DOCK1: variants seen among roughly 807,000 people sequenced by gnomAD.
DOCK1 encodes the protein dedicator of cytokinesis protein 1.
Under a neutral mutation model 262.7 loss-of-function variants are expected in DOCK1, and 138 were observed. That is an observed-to-expected ratio of 0.53 (90% confidence interval 0.46 to 0.61). The LOEUF (loss-of-function observed/expected upper bound fraction) is 0.61. DOCK1 is among the 20% of genes least tolerant of loss of function. The pLI, the probability that DOCK1 is intolerant of heterozygous loss-of-function variation, is 0.00. For synonymous variants in DOCK1, 866 were observed against 867.4 expected, an observed-to-expected ratio of 1.00 and a Z score of 0.03; for missense variants, 1,908 against 2,370.7, an observed-to-expected ratio of 0.80 and a Z score of 4.05.
At chr10:127,241,134 C>A (rs1216314191) in intron 27 of DOCK1, among the ~76,000 whole-genome samples, 2 of 152,092 alleles carry the variant, frequency 1.3e-5, no homozygotes, top group African/African-American at 4.8e-5. Flanking sequence ...ATCAGCCTGG[C>A]CAACCTGGCA....
At chr10:127,422,990 A>C (rs1372272550) in intron 46 of DOCK1, among the ~76,000 whole-genome samples, 2 of 152,220 alleles carry the variant, frequency 1.3e-5, no homozygotes, top group Non-Finnish European at 2.9e-5. Context: ...ACTATATTAA[A>C]GGATGAATTT....
rs181342875 is a variant in DOCK1, at chr10:127,116,184, A to G, written c.2623+5830A>G. Among the ~76,000 whole-genome samples, 427 of 152,262 alleles carry G rather than the reference A, an allele frequency of 2.8e-3. 4 individuals are homozygous for G. The highest frequency in any genetic ancestry group is 2.6e-3 in the Non-Finnish European group (180 of 68,028). On this transcript the variant is annotated intron_variant, in intron 25 of 51. Coordinates refer to ENST00000623213, the MANE Select transcript of DOCK1 (RefSeq NM_001290223.2). ...GGAATGGGAAAGAGGCCATTCCCTC[A>G]TACCCTGGCTCTCCTGGGGCTCCTC...
At chr10:127,256,967 T>C (rs538533633) in intron 28 of DOCK1, among the ~76,000 whole-genome samples, 1 of 152,312 alleles carries the variant, frequency 6.6e-6, no homozygotes, top group East Asian at 1.9e-4. Flanking sequence ...GAAAAATTGA[T>C]TTAGAGCAAA....
intron 27 of DOCK1, among the ~76,000 whole-genome samples, chr10:127,233,935 C>G (rs1467903196): frequency 6.6e-6 from 1 of 152,126 alleles, no homozygotes; most frequent in Non-Finnish European, 1.5e-5. Context: ...TAATAGAACT[C>G]TTGTTTTATA....
At chr10:127,345,931 A>G (rs2063613825) in intron 31 of DOCK1, among the ~76,000 whole-genome samples, 2 of 152,226 alleles carry the variant, frequency 1.3e-5, no homozygotes, top group Admixed American at 6.5e-5. Context: ...TGACCAACAC[A>G]CACAAAGCAC....
intron 27 of DOCK1, among the ~76,000 whole-genome samples, chr10:127,210,499 C>T (rs146108788): frequency 1.5e-3 from 231 of 152,322 alleles, no homozygotes; most frequent in African/African-American, 5.1e-3. Flanking sequence ...AGGCTGAGCC[C>T]GGGAAACCAG....
intron 29 of DOCK1, among the ~76,000 whole-genome samples, chr10:127,301,989 C>A (rs535072332): frequency 7.2e-5 from 11 of 151,914 alleles, no homozygotes; most frequent in African/African-American, 2.7e-4. Context: ...TTCGACAAAG[C>A]CTGCCTGCCT....
chr10:126,925,757 T>C (rs1198907709), intron 1 of DOCK1, among the ~76,000 whole-genome samples: 1 of 133,180 alleles, frequency 7.5e-6, no homozygotes, highest in African/African-American at 3.2e-5. Context: ...TGTGTGTGTG[T>C]GTGTGTGTGT....
intron 1 of DOCK1, among the ~76,000 whole-genome samples, chr10:126,953,854 C>G (rs1280562673): frequency 2.6e-5 from 4 of 152,054 alleles, no homozygotes; most frequent in African/African-American, 9.7e-5. Flanking sequence ...GGAGTGTTTT[C>G]TGATGTCAGA....
At chr10:127,052,201 A>G (rs1591818210) in intron 21 of DOCK1, among the ~76,000 whole-genome samples, 1 of 152,330 alleles carries the variant, frequency 6.6e-6, no homozygotes, top group Admixed American at 6.5e-5. Context: ...TTGCTCTCAG[A>G]GGTATTTTAT....
At chr10:127,181,573 G>A (rs1048374415) in intron 27 of DOCK1, among the ~76,000 whole-genome samples, 18 of 152,160 alleles carry the variant, frequency 1.2e-4, no homozygotes, top group Non-Finnish European at 2.9e-5. Flanking sequence ...GAAATTATGG[G>A]TTTTCCTAGT....
chr10:127,069,155 C>T (rs991685277), intron 23 of DOCK1, among the ~76,000 whole-genome samples: 2 of 152,164 alleles, frequency 1.3e-5, no homozygotes, highest in African/African-American at 4.8e-5. Flanking sequence ...CGTGTGTCTG[C>T]CCTGCCTTGG....
chr10:126,963,654 C>CCTTCCTTCCTTCCTTT (rs2037446343), intron 1 of DOCK1, among the ~76,000 whole-genome samples: 1 of 119,812 alleles, frequency 8.3e-6, no homozygotes, highest in Admixed American at 9.1e-5. Context: ...TTCCTTCCTT[C>CCTTCCTTCCTTCCTTT]CTTCCTTCCT....
At chr10:127,212,130 G>A (rs1190623236) in intron 27 of DOCK1, among the ~76,000 whole-genome samples, 1 of 152,100 alleles carries the variant, frequency 6.6e-6, no homozygotes, top group Admixed American at 6.5e-5. Context: ...CAATGACTCC[G>A]AGGATGATAT....
chr10:127,155,540 GGA>G (rs2052956875), intron 27 of DOCK1, among the ~76,000 whole-genome samples: 1 of 152,142 alleles, frequency 6.6e-6, no homozygotes, highest in Non-Finnish European at 1.5e-5. Flanking sequence ...GGCTTTGTCA[GGA>G]GAGAGGGGGA....
At chr10:126,945,620 G>T (rs1564996109) in intron 1 of DOCK1, among the ~76,000 whole-genome samples, 1 of 152,162 alleles carries the variant, frequency 6.6e-6, no homozygotes, top group South Asian at 2.1e-4. Flanking sequence ...CATTTTTATG[G>T]ATTTTCTTTT....
Position 127,409,326 on chromosome 10 carries a change from C to T in DOCK1, c.4278C>T (p.Phe1426=), listed in dbSNP as rs1432709594. The T allele has an allele frequency of 6.2e-7, 1 of 1,613,930 alleles. No homozygotes were observed. The highest frequency in any genetic ancestry group is 1.3e-5 in the African/African-American group (1 of 75,038). ...CCCTCACCTCAGATATTCAGTGCTTCACAGTGAAGCCCAAACTCGATCTGC... is the reference window on the plus strand; with the variant it reads ...CCCTCACCTCAGATATTCAGTGCTTTACAGTGAAGCCCAAACTCGATCTGC... ...KNSPGQYIQC[F]TVKPKLDLPP... The change falls in exon 42 of 52, where the codon TTC becomes TTT. Residue 1426 remains phenylalanine (F), a synonymous_variant. Transcript: ENST00000623213.
At chr10:127,296,265 G>T (rs540845039) in intron 29 of DOCK1, among the ~76,000 whole-genome samples, 1 of 152,292 alleles carries the variant, frequency 6.6e-6, no homozygotes, top group South Asian at 2.1e-4. Flanking sequence ...AAGCATCACA[G>T]TTACTCACAA....
At chr10:127,285,299 A>G (rs2061108782) in intron 29 of DOCK1, among the ~76,000 whole-genome samples, 1 of 152,234 alleles carries the variant, frequency 6.6e-6, no homozygotes, top group African/African-American at 2.4e-5. Context: ...TTAGATTTGC[A>G]TTAGAGCTCA....
Sources: gnomAD v4.1 joint callset for allele counts (sites outside exome capture counted in the v4.1 genomes callset) on GRCh38, gnomAD v4.1.1 for gene constraint, MANE v1.5 for transcripts, NCBI Gene and HGNC (gene_info 2026-07-23, HGNC 2026-07-21) for gene names.